Variants in ADAMTSL3 observed in about 807,000 individuals in gnomAD.
ADAMTSL3 encodes the protein ADAMTS-like protein 3.
Under a neutral mutation model 201.7 loss-of-function variants are expected in ADAMTSL3, and 128 were observed. The ratio of observed to expected loss-of-function variants is 0.63; its 90% confidence interval spans 0.55 to 0.73. ADAMTSL3 has a LOEUF of 0.73. Ranked by LOEUF, ADAMTSL3 falls within the 30% of genes least tolerant of loss-of-function variation. ADAMTSL3 has a pLI of 0.00. For missense variants in ADAMTSL3, 1,990 were observed against 2,119.6 expected (o/e 0.94, Z 1.20); for synonymous variants, 738 against 748.4 (o/e 0.99, Z 0.23).
intron 4 of ADAMTSL3, among the ~76,000 whole-genome samples, chr15:83,774,043 G>A (rs1228830526): frequency 1.3e-5 from 2 of 152,192 alleles, no homozygotes; most frequent in African/African-American, 4.8e-5. Context: ...CATGATGCAA[G>A]TTCTGTTTTC....
intron 23 of ADAMTSL3, among the ~76,000 whole-genome samples, chr15:83,999,820 G>A (rs2067757822): frequency 6.6e-6 from 1 of 152,150 alleles, no homozygotes; most frequent in South Asian, 2.1e-4. Flanking sequence ...ATATACCTAA[G>A]AATTTTATTG....
chr15:84,001,681 G>A (rs2141861211), intron 23 of ADAMTSL3, among the ~76,000 whole-genome samples: 1 of 152,338 alleles, frequency 6.6e-6, no homozygotes, highest in South Asian at 2.1e-4. Context: ...GTGACAGAGT[G>A]TCATTGGCTT....
chr15:83,843,555 A>G (rs552729521), intron 7 of ADAMTSL3, among the ~76,000 whole-genome samples: 4 of 152,140 alleles, frequency 2.6e-5, no homozygotes, highest in Non-Finnish European at 5.9e-5. Flanking sequence ...GCACTTCCCT[A>G]TAATCATGCT....
intron 3 of ADAMTSL3, among the ~76,000 whole-genome samples, chr15:83,764,522 GTGTT>G (rs1271917452): frequency 1.3e-5 from 2 of 152,088 alleles, no homozygotes; most frequent in Admixed American, 6.5e-5. Context: ...GGACAGAAGT[GTGTT>G]TGTTTACTTC....
intron 19 of ADAMTSL3, among the ~76,000 whole-genome samples, chr15:83,959,345 C>T (rs1214112098): frequency 6.6e-6 from 1 of 152,188 alleles, no homozygotes; most frequent in Non-Finnish European, 1.5e-5. Flanking sequence ...AGGAGAATCA[C>T]TTGAACCCAG....
intron 7 of ADAMTSL3, among the ~76,000 whole-genome samples, chr15:83,841,704 G>A (rs944593372): frequency 3.3e-5 from 5 of 152,052 alleles, no homozygotes; most frequent in East Asian, 2.0e-4. Flanking sequence ...CTAGGGCTCC[G>A]CCCTTGGGCC....
chr15:83,831,732 C>T (rs905499933), intron 6 of ADAMTSL3, among the ~76,000 whole-genome samples: 1 of 152,074 alleles, frequency 6.6e-6, no homozygotes, highest in Admixed American at 6.5e-5. Context: ...CCAGTTGCAG[C>T]CCAGCTTCCC....
chr15:83,928,549 G>A (rs1294799625), intron 17 of ADAMTSL3, among the ~76,000 whole-genome samples: 5 of 152,180 alleles, frequency 3.3e-5, no homozygotes. Flanking sequence ...ATCACAGGAT[G>A]AAAAGAGAGG....
intron 15 of ADAMTSL3, among the ~76,000 whole-genome samples, chr15:83,900,223 A>T (rs1309498146): frequency 6.6e-6 from 1 of 152,202 alleles, no homozygotes; most frequent in Non-Finnish European, 1.5e-5. Context: ...AGACAAGTCT[A>T]ATTTTTCTGT....
intron 2 of ADAMTSL3, among the ~76,000 whole-genome samples, chr15:83,685,143 C>A (rs963208408): frequency 6.6e-6 from 1 of 152,066 alleles, no homozygotes; most frequent in Non-Finnish European, 1.5e-5. Flanking sequence ...TCTACTTCTG[C>A]GAATTGCTTA....
At chr15:83,672,642 G>A (rs2061342590) in intron 2 of ADAMTSL3, among the ~76,000 whole-genome samples, 1 of 152,156 alleles carries the variant, frequency 6.6e-6, no homozygotes, top group Non-Finnish European at 1.5e-5. Context: ...GTGTGGGATG[G>A]GCAGATGAAA....
chr15:83,943,533 C>T (rs987461148), intron 19 of ADAMTSL3, among the ~76,000 whole-genome samples: 29 of 152,182 alleles, frequency 1.9e-4, no homozygotes, highest in African/African-American at 7.0e-4. Context: ...TCATGGCAAG[C>T]TTGAATTAGT....
chr15:83,738,760 G>A (rs2062407542), intron 3 of ADAMTSL3, among the ~76,000 whole-genome samples: 1 of 151,944 alleles, frequency 6.6e-6, no homozygotes, highest in African/African-American at 2.4e-5. Context: ...GCCAGGCATG[G>A]TGGCAGGCAC....
chr15:83,838,328 G>C, intron 7 of ADAMTSL3, 113 bp downstream of exon 7: 1 of 1,339,412 alleles, frequency 7.5e-7, no homozygotes, highest in Non-Finnish European at 1.0e-6. Flanking sequence ...AGTAGCTTTT[G>C]TACCAATTTT....
At chr15:83,773,679 T>C in intron 4 of ADAMTSL3, 29 bp downstream of exon 4, 2 of 1,599,008 alleles carry the variant, frequency 1.3e-6, no homozygotes, top group South Asian at 1.1e-5. Flanking sequence ...TGCTCCTGCA[T>C]GTGGAATGTG....
intron 3 of ADAMTSL3, among the ~76,000 whole-genome samples, chr15:83,710,735 G>A (rs1006471044): frequency 1.3e-5 from 2 of 152,066 alleles, no homozygotes; most frequent in African/African-American, 4.8e-5. Context: ...TTTCTTTACT[G>A]TTTCCATCCC....
intron 15 of ADAMTSL3, among the ~76,000 whole-genome samples, chr15:83,912,020 A>T (rs2065943826): frequency 6.6e-6 from 1 of 152,236 alleles, no homozygotes; most frequent in Non-Finnish European, 1.5e-5. Context: ...GTTGAACATT[A>T]TCGAGCCCTG....
chr15:84,023,158 G>A (rs2068236294), intron 26 of ADAMTSL3, among the ~76,000 whole-genome samples: 1 of 152,102 alleles, frequency 6.6e-6, no homozygotes, highest in South Asian at 2.1e-4. Flanking sequence ...AATGTCTGCT[G>A]CATCATATAC....
rs753710404 is a variant in ADAMTSL3 at position 83,991,102 on chromosome 15, G to A, written c.3861G>A (p.Leu1287=). ...TGAATTAAGAGGCACCTGTCATCTT[G>A]TCTGTTGAAAGAAATATCACCAAAC... The part of the protein sequence containing the change: ...SVLYAEAPVI[L]SVERNITKPE... Residue 1287 remains leucine, a synonymous_variant, in exon 23 of 30, where the codon TTG becomes TTA. Transcript: ENST00000286744. The A allele has an allele frequency of 2.4e-5, 38 of 1,614,184 alleles. No homozygotes were observed. The highest frequency in any genetic ancestry group is 8.5e-6 in the Non-Finnish European group (10 of 1,180,020).
Sources: allele counts gnomAD v4.1 joint callset (sites outside exome capture counted in the v4.1 genomes callset), GRCh38; gene constraint gnomAD v4.1.1; transcripts MANE v1.5; gene names NCBI Gene and HGNC (gene_info 2026-07-23, HGNC 2026-07-21).